TBC1D22B: variants seen among roughly 807,000 people sequenced by gnomAD.
TBC1D22B encodes chromosome 6 open reading frame 197.
Under a neutral mutation model 69.1 loss-of-function variants are expected in TBC1D22B, and 32 were observed. That is an observed-to-expected ratio of 0.46 (90% CI 0.35 to 0.62). The LOEUF is 0.62. Ranked by LOEUF, TBC1D22B falls within the 20% of genes least tolerant of loss-of-function variation. The pLI, the probability that TBC1D22B is intolerant of heterozygous loss-of-function variation, is 0.00. For missense variants in TBC1D22B, 462 were observed against 630.9 expected (o/e 0.73, Z 2.87); for synonymous variants, 206 against 229.8 (o/e 0.90, Z 0.94).
chr6:37,280,719 G>A (rs554507819), intron 3 of TBC1D22B, among the ~76,000 whole-genome samples: 4 of 152,276 alleles, frequency 2.6e-5, no homozygotes, highest in East Asian at 3.9e-4. Flanking sequence ...TTCTCCTGCC[G>A]GCATCTGTCT....
intron 3 of TBC1D22B, 46 bp downstream of exon 3, chr6:37,279,657 G>T (rs201986289): frequency 5.1e-5 from 78 of 1,535,524 alleles, no homozygotes; most frequent in East Asian, 1.1e-4. Flanking sequence ...TCTCAGCAGC[G>T]TGCATTTTAA....
chr6:37,264,662 T>C (rs1388050105), intron 1 of TBC1D22B, among the ~76,000 whole-genome samples: 1 of 152,154 alleles, frequency 6.6e-6, no homozygotes, highest in African/African-American at 2.4e-5. Context: ...AAGCCCTAAT[T>C]TATGTATGTT....
intron 2 of TBC1D22B, among the ~76,000 whole-genome samples, chr6:37,270,625 C>T (rs1233203293): frequency 6.6e-6 from 1 of 152,188 alleles, no homozygotes; most frequent in African/African-American, 2.4e-5. Flanking sequence ...CATGGACCAT[C>T]ACTGAGCCAC....
In TBC1D22B at chr6:37,312,979, G is replaced by A. The variant is rs146628879; in HGVS notation, c.1044G>A (p.Glu348=). 739 of 1,614,208 alleles carry A rather than the reference G, an allele frequency of 4.6e-4. No individual in the cohort carries two copies. The highest frequency in any genetic ancestry group is 5.8e-4 in the Non-Finnish European group (688 of 1,180,026). Residue 348 remains glutamate (E), a synonymous_variant, in exon 9 of 13, where the codon GAG becomes GAA. Transcript: ENST00000373491. ...CTCAAGACATGCTGCGAAGCATTGA[G>A]GCTGACAGCTTTTGGTGCATGAGCA... ...NLSQDMLRSI[E]ADSFWCMSKL...
chr6:37,269,083 G>A (rs562388901), intron 1 of TBC1D22B, among the ~76,000 whole-genome samples: 1 of 152,144 alleles, frequency 6.6e-6, no homozygotes, highest in East Asian at 1.9e-4. Flanking sequence ...CTGGGTCTTA[G>A]GGTATGCATA....
At chr6:37,329,105 A>G (rs1427443836) in intron 12 of TBC1D22B, among the ~76,000 whole-genome samples, 1 of 152,240 alleles carries the variant, frequency 6.6e-6, no homozygotes, top group Non-Finnish European at 1.5e-5. Context: ...CATAAATATA[A>G]TGAGAGAAAA....
rs1282336466 is a variant in TBC1D22B at position 37,315,478 on chromosome 6, G to A, written c.1166-1225G>A. Among the ~76,000 whole-genome samples, 5 of 152,098 alleles carry A rather than the reference G, an allele frequency of 3.3e-5. No homozygotes were observed. The East Asian group carries it at 9.7e-4, about 29-fold the overall frequency. ...AGGTTGAGATGGAAGGATCACTCGA[G>A]CCCAGGAGGTCAAGGCTACAGTGAG... is the stretch of plus-strand genomic sequence containing the variant. On this transcript the variant is annotated intron_variant, in intron 10 of 12. Coordinates refer to ENST00000373491, the MANE Select transcript of TBC1D22B (RefSeq NM_017772.4).
Position 37,316,710 on chromosome 6 carries a change from A to G in TBC1D22B, c.1173A>G (p.Val391=), listed in dbSNP as rs1209597866. ...TGATGCTTCCTGTTTCAGAGCAGGT[A>G]CATAATCACTTCAGGAGGTACGAGG... is the stretch of plus-strand genomic sequence containing the variant. ...EELVSRIDEQ[V]HNHFRRYEVE... The change falls in exon 11 of 13, where the codon GTA becomes GTG. Residue 391 remains valine, a synonymous_variant. Transcript: ENST00000373491. 1 of 1,614,192 alleles carries G rather than the reference A, an allele frequency of 6.2e-7. No homozygotes were observed. Among genetic ancestry groups the G allele is most frequent in the Non-Finnish European group, 8.5e-7 (1 of 1,180,026 alleles).
intron 9 of TBC1D22B, among the ~76,000 whole-genome samples, chr6:37,313,610 A>G (rs886923775): frequency 1.3e-5 from 2 of 152,110 alleles, no homozygotes; most frequent in Admixed American, 6.5e-5. Flanking sequence ...CCCCAAGCAC[A>G]TGGGTTTGCT....
At chr6:37,289,824 G>A (rs1767120765) in intron 7 of TBC1D22B, among the ~76,000 whole-genome samples, 1 of 152,222 alleles carries the variant, frequency 6.6e-6, no homozygotes, top group African/African-American at 2.4e-5. Context: ...AGGAAATAGA[G>A]TGTAAGAGCG....
At chr6:37,299,586 AG>A (rs1205800805) in intron 8 of TBC1D22B, among the ~76,000 whole-genome samples, 2 of 152,252 alleles carry the variant, frequency 1.3e-5, no homozygotes, top group African/African-American at 4.8e-5. Flanking sequence ...CCTGTCTGGT[AG>A]GGAGGCTCAC....
rs570306089 is a variant in TBC1D22B at position 37,269,399 on chromosome 6, C to G, written c.57-195C>G. On this transcript the variant is annotated intron_variant, in intron 1 of 12. Coordinates refer to ENST00000373491, the MANE Select transcript of TBC1D22B (RefSeq NM_017772.4). ...GGTGTGTAAGGCACTGAAACTTCAC[C>G]AGGGAAAATGAACATTATCAAATAT... 3.9e-5 allele frequency among the ~76,000 whole-genome samples: 6 copies of G among 152,262 alleles called. No individual in the cohort carries two copies. The South Asian group carries it at 8.3e-4, about 21-fold the overall frequency.
At chr6:37,293,657 T>C (rs1192973596) in intron 8 of TBC1D22B, among the ~76,000 whole-genome samples, 3 of 152,194 alleles carry the variant, frequency 2.0e-5, no homozygotes, top group African/African-American at 7.2e-5. Context: ...GAGTTACATG[T>C]CTCTCACTTT....
intron 8 of TBC1D22B, among the ~76,000 whole-genome samples, chr6:37,299,515 G>A (rs1480487725): frequency 6.6e-6 from 1 of 152,204 alleles, no homozygotes; most frequent in East Asian, 1.9e-4. Flanking sequence ...CATTCAACAA[G>A]TATTTATTAA....
intron 3 of TBC1D22B, among the ~76,000 whole-genome samples, chr6:37,279,962 G>A (rs901629092): frequency 1.3e-5 from 2 of 152,226 alleles, no homozygotes; most frequent in Admixed American, 1.3e-4. Flanking sequence ...AGTAACTGAT[G>A]TATTTAAAGC....
rs10646764 is a variant in TBC1D22B at position 37,275,049 on chromosome 6, T to TTAATAA, written c.114-4242_114-4237dup. Among the ~76,000 whole-genome samples, 31 of 150,726 alleles carry TTAATAA rather than the reference T, an allele frequency of 2.1e-4. No individual in the cohort carries two copies. The South Asian group carries it at 2.1e-3, about 10-fold the overall frequency. The stretch of plus-strand genomic sequence containing the variant: ...CTGGAAGACAGAGCGAGAATCCATC[T>TTAATAA]TAATAATAATAATAATAAATAATCT... On this transcript the variant is annotated intron_variant, in intron 2 of 12. Coordinates refer to ENST00000373491, the MANE Select transcript of TBC1D22B (RefSeq NM_017772.4).
chr6:37,263,653 C>T (rs991945752), intron 1 of TBC1D22B, among the ~76,000 whole-genome samples: 10 of 152,088 alleles, frequency 6.6e-5, no homozygotes, highest in African/African-American at 1.2e-4. Flanking sequence ...GCCCGATCTC[C>T]GCTCACTGCA....
chr6:37,263,149 C>A (rs372377244), intron 1 of TBC1D22B, among the ~76,000 whole-genome samples: 1 of 152,204 alleles, frequency 6.6e-6, no homozygotes, highest in Admixed American at 6.5e-5. Flanking sequence ...ATGTGTCATG[C>A]TCTGCCAGGT....
intron 8 of TBC1D22B, among the ~76,000 whole-genome samples, chr6:37,302,122 T>C (rs1326077984): frequency 1.3e-5 from 2 of 152,232 alleles, no homozygotes; most frequent in Non-Finnish European, 2.9e-5. Context: ...GTTATGTTTG[T>C]TGTAAAGTAG....
Sources: gnomAD v4.1 joint callset for allele counts (sites outside exome capture counted in the v4.1 genomes callset) on GRCh38, gnomAD v4.1.1 for gene constraint, MANE v1.5 for transcripts, NCBI Gene and HGNC (gene_info 2026-07-23, HGNC 2026-07-21) for gene names.